The following FKBP5 variants were observed in gnomAD, a reference collection of about 807,000 sequenced individuals.
FKBP5 encodes the protein FKBP prolyl isomerase 5, also known as peptidyl-prolyl cis-trans isomerase FKBP5.
In FKBP5, 23 loss-of-function variants were observed where a neutral mutation model predicts 50.5. That is an observed-to-expected ratio of 0.46 (90% CI 0.33 to 0.65). FKBP5 has a LOEUF of 0.65. Ranked by LOEUF, FKBP5 falls within the 30% of genes least tolerant of loss-of-function variation. The pLI, the probability that FKBP5 is intolerant of heterozygous loss-of-function variation, is 0.02. For synonymous variants in FKBP5, 176 were observed against 190.6 expected, an observed-to-expected ratio of 0.92 and a Z score of 0.63; for missense variants, 411 against 553.1, an observed-to-expected ratio of 0.74 and a Z score of 2.58.
At chr6:35,625,881 G>T (rs1347371997) in intron 3 of FKBP5, among the ~76,000 whole-genome samples, 7 of 151,002 alleles carry the variant, frequency 4.6e-5, no homozygotes, top group Non-Finnish European at 1.0e-4. Flanking sequence ...CCGGGTTCAC[G>T]CCATTCTCCT....
chr6:35,666,660 G>A (rs1232533112), intron 1 of FKBP5, among the ~76,000 whole-genome samples: 1 of 152,182 alleles, frequency 6.6e-6, no homozygotes, highest in African/African-American at 2.4e-5. Flanking sequence ...GGAAGCTGAG[G>A]CAGGCGGATC....
intron 1 of FKBP5, among the ~76,000 whole-genome samples, chr6:35,668,257 T>C (rs1765284307): frequency 6.6e-6 from 1 of 152,216 alleles, no homozygotes. Flanking sequence ...CCCACTCCCC[T>C]TTATGCTGGA....
At chr6:35,717,515 G>A (rs909888582) in intron 2 of FKBP5, among the ~76,000 whole-genome samples, 1 of 152,236 alleles carries the variant, frequency 6.6e-6, no homozygotes, top group African/African-American at 2.4e-5. Context: ...CCACGTGCAT[G>A]TCTGTGTGCA....
intron 3 of FKBP5, among the ~76,000 whole-genome samples, chr6:35,624,941 C>T (rs73417657): frequency 1.8e-4 from 28 of 152,224 alleles, no homozygotes; most frequent in African/African-American, 6.5e-4. Context: ...GAGACCACAC[C>T]ACAGAACAAG....
At chr6:35,668,670 GTGTTT>G (rs889021148) in intron 1 of FKBP5, among the ~76,000 whole-genome samples, 12 of 151,506 alleles carry the variant, frequency 7.9e-5, no homozygotes, top group East Asian at 7.8e-4. Flanking sequence ...TAGGGTACAT[GTGTTT>G]TGTTTTGTTT....
intron 7 of FKBP5, among the ~76,000 whole-genome samples, chr6:35,589,099 TATATATA>T (rs1762716844): frequency 2.2e-5 from 3 of 133,440 alleles, no homozygotes; most frequent in Non-Finnish European, 1.6e-5. Context: ...TTTTTATATA[TATATATA>T]TTTTTATATA....
intron 1 of FKBP5, among the ~76,000 whole-genome samples, chr6:35,644,770 C>T (rs971138589): frequency 1.3e-5 from 2 of 152,172 alleles, no homozygotes; most frequent in Non-Finnish European, 2.9e-5. Flanking sequence ...TTCTGTGATG[C>T]ACAGAAACTT....
At chr6:35,638,111 A>G (rs1268072122) in intron 2 of FKBP5, among the ~76,000 whole-genome samples, 1 of 152,184 alleles carries the variant, frequency 6.6e-6, no homozygotes, top group Admixed American at 6.5e-5. Context: ...TGTTCTTGGC[A>G]GAGCAAGCTG....
rs565041401 is a variant in FKBP5 at position 35,699,419 on chromosome 6, G to A, written c.-20+20909C>T. Among the ~76,000 whole-genome samples the A allele has an allele frequency of 3.3e-5, 5 of 152,252 alleles. No homozygotes were observed. In the South Asian group the frequency reaches 1.0e-3, roughly 32 times the overall value. ...GGTTCAAGGGGAGGGAACTAACAATGGTGTGAATATTCAGATACACAGTTA... is the reference window on the plus strand; with the variant it reads ...GGTTCAAGGGGAGGGAACTAACAATAGTGTGAATATTCAGATACACAGTTA... On this transcript the variant is annotated intron_variant, in intron 2 of 11. Transcript: ENST00000536438.
At chr6:35,576,001 G>A in intron 10 of FKBP5, 59 bp from the exon 11 acceptor site, 3 of 1,198,978 alleles carry the variant, frequency 2.5e-6, no homozygotes. Context: ...ATAATTCCTG[G>A]CTCCTCCAGA....
rs1012123639 is a variant in FKBP5 at position 35,619,049 on chromosome 6, A to G, written c.508+47T>C. The stretch of plus-strand genomic sequence containing the variant: ...TTTAAGTCTCCATTTCGTCCACATA[A>G]ATGGCCCAACTTTTAAGGACTAGTT... On this transcript the variant is annotated intron_variant, in intron 5 of 10. Transcript: ENST00000357266. The G allele has an allele frequency of 5.3e-6, 7 of 1,319,132 alleles. No individual in the cohort carries two copies. In the African/African-American group the frequency reaches 7.3e-5, roughly 14 times the overall value. The allele number at this position is 1,319,132 out of a possible 1,614,324, so 81.7% of individuals were successfully genotyped here. A position where few individuals can be genotyped will look rare whatever the true frequency, so the allele number is the denominator to read the frequency against.
At chr6:35,699,699 C>A (rs550808308) in intron 2 of FKBP5, among the ~76,000 whole-genome samples, 1 of 152,140 alleles carries the variant, frequency 6.6e-6, no homozygotes, top group Non-Finnish European at 1.5e-5. Flanking sequence ...GTTATCCACT[C>A]CCCACACACA....
At chr6:35,669,593 A>C (rs1399642113) in intron 1 of FKBP5, among the ~76,000 whole-genome samples, 1 of 152,212 alleles carries the variant, frequency 6.6e-6, no homozygotes, top group Non-Finnish European at 1.5e-5. Flanking sequence ...GAGGCAATAC[A>C]TAAACACACC....
At chr6:35,656,959 C>T (rs1463565922) in intron 1 of FKBP5, among the ~76,000 whole-genome samples, 2 of 150,080 alleles carry the variant, frequency 1.3e-5, no homozygotes, top group Non-Finnish European at 3.0e-5. Flanking sequence ...CGGCTGTAAT[C>T]CTAGCACTTT....
At chr6:35,701,494 C>T (rs59590692) in intron 2 of FKBP5, among the ~76,000 whole-genome samples, 3,438 of 151,864 alleles carry the variant, frequency 0.023, 87 homozygotes, top group African/African-American at 0.053. Flanking sequence ...CCGCCCGCCT[C>T]GGCCTCCCAA....
At chr6:35,701,851 T>C (rs1766195207) in intron 2 of FKBP5, among the ~76,000 whole-genome samples, 1 of 149,886 alleles carries the variant, frequency 6.7e-6, no homozygotes, top group Non-Finnish European at 1.5e-5. Context: ...AGGAATGCCG[T>C]ATTTTTTTTT....
At chr6:35,600,809 G>C (rs1356038072) in intron 5 of FKBP5, among the ~76,000 whole-genome samples, 2 of 152,172 alleles carry the variant, frequency 1.3e-5, no homozygotes, top group East Asian at 1.9e-4. Context: ...AAGGATTCCT[G>C]CCTGTGCGTT....
intron 1 of FKBP5, among the ~76,000 whole-genome samples, chr6:35,688,577 C>T (rs952171109): frequency 3.3e-5 from 5 of 150,992 alleles, no homozygotes; most frequent in African/African-American, 1.2e-4. Context: ...CCCCGCGGCC[C>T]CTGGGGCGCG....
chr6:35,721,297 A>G (rs914213244), intron 1 of FKBP5, among the ~76,000 whole-genome samples: 6 of 151,924 alleles, frequency 3.9e-5, no homozygotes, highest in African/African-American at 1.2e-4. Context: ...GGTTGCAGTG[A>G]GCTGGGATCA....
Sources: allele counts gnomAD v4.1 joint callset (sites outside exome capture counted in the v4.1 genomes callset), GRCh38; gene constraint gnomAD v4.1.1; transcripts MANE v1.5; gene names NCBI Gene and HGNC (gene_info 2026-07-23, HGNC 2026-07-21).